Variants in BSPRY observed in about 807,000 individuals in gnomAD.
BSPRY encodes B-box and SPRY domain containing.
In BSPRY, 33 loss-of-function variants were observed where a neutral mutation model predicts 38.0. That is an observed-to-expected ratio of 0.87 (90% CI 0.66 to 1.16). The LOEUF is 1.16. BSPRY is among the 50% of genes most tolerant of loss of function. The pLI, the probability that BSPRY is intolerant of heterozygous loss-of-function variation, is 0.00. For missense variants in BSPRY, 523 were observed against 533.2 expected (o/e 0.98, Z 0.19); for synonymous variants, 224 against 228.5 (o/e 0.98, Z 0.18).
chr9:113,367,210 C>G (rs1049126383), intron 4 of BSPRY, among the ~76,000 whole-genome samples: 1 of 152,168 alleles, frequency 6.6e-6, no homozygotes, highest in Non-Finnish European at 1.5e-5. Flanking sequence ...AATCAGATAA[C>G]CACTACCTCC....
intron 2 of BSPRY, among the ~76,000 whole-genome samples, chr9:113,359,787 C>T (rs139833551): frequency 1.3e-5 from 2 of 151,980 alleles, no homozygotes; most frequent in African/African-American, 4.8e-5. Context: ...ATAATCCCAG[C>T]GCTTTGTGGG....
Position 113,349,577 on chromosome 9 carries a change from G to T in BSPRY, c.-3G>T. ...GTGGAGCGCACGGGGCGGGCGCACGGCCATGTCCGCCGAGGGCGCGGAGCC... is the reference window on the plus strand; with the variant it reads ...GTGGAGCGCACGGGGCGGGCGCACGTCCATGTCCGCCGAGGGCGCGGAGCC... On this transcript the variant is annotated 5_prime_UTR_variant, in exon 1 of 6. Coordinates refer to ENST00000374183, the MANE Select transcript of BSPRY (RefSeq NM_017688.3). 8.6e-7 allele frequency: 1 copy of T among 1,161,742 alleles called. No homozygotes were observed. The highest frequency in any genetic ancestry group is 1.1e-6 in the Non-Finnish European group (1 of 943,848). The allele number at this position is 1,161,742 out of a possible 1,614,324, so 72.0% of individuals were successfully genotyped here.
At chr9:113,360,421 A>C in intron 2 of BSPRY, 86 bp from the exon 3 acceptor site, 4 of 1,268,432 alleles carry the variant, frequency 3.2e-6, no homozygotes, top group Non-Finnish European at 4.4e-6. Context: ...CAATCTCAAC[A>C]CTCCTTTCCA....
At chr9:113,366,217 C>T (rs1834248753) in intron 4 of BSPRY, among the ~76,000 whole-genome samples, 1 of 152,212 alleles carries the variant, frequency 6.6e-6, no homozygotes, top group Non-Finnish European at 1.5e-5. Context: ...CCCCCAACAA[C>T]ATCAGTATTT....
At chr9:113,354,481 AT>A in intron 2 of BSPRY, 143 bp downstream of exon 2, 1 of 659,826 alleles carries the variant, frequency 1.5e-6, no homozygotes. Context: ...CAGAGACTCA[AT>A]TTTACCATCT....
chr9:113,369,743 C>A lies in BSPRY; in HGVS notation c.810C>A (p.Asp270Glu), dbSNP rs192218285. ...GTGCAGATGGCCCGGAGCGCTTCGA[C>A]CACTGGCCCAATGCCCTGGCTGCCA... ...KACADGPERF[D>E]HWPNALAATS... The change falls in exon 6 of 6, where the codon GAC (aspartate) becomes GAA (glutamate). Residue 270 changes from aspartate (D) to glutamate (E), a missense_variant. Coordinates refer to ENST00000374183, the MANE Select transcript of BSPRY (RefSeq NM_017688.3). 9.3e-6 allele frequency: 15 copies of A among 1,614,126 alleles called. No homozygotes were observed. The highest frequency in any genetic ancestry group is 1.2e-5 in the Non-Finnish European group (14 of 1,180,044).
chr9:113,355,848 T>G (rs1426649436), intron 2 of BSPRY, among the ~76,000 whole-genome samples: 1 of 152,082 alleles, frequency 6.6e-6, no homozygotes. Context: ...ACTCCTGACC[T>G]TAGGTGATCT....
In BSPRY at chr9:113,369,489, T is replaced by C. The variant is rs1834303912; in HGVS notation, c.683-127T>C. On this transcript the variant is annotated intron_variant, in intron 5 of 5. Coordinates refer to ENST00000374183, the MANE Select transcript of BSPRY (RefSeq NM_017688.3). ...TTGACCCCCGTTTTGCAGACAAGGC[T>C]CAGAGAGAGTAAATGGCTTATATGA... 3 of 965,816 alleles carry C rather than the reference T, an allele frequency of 3.1e-6. 1 individual carries two copies. The South Asian group carries it at 4.8e-5, about 15-fold the overall frequency. The allele number at this position is 965,816 out of a possible 1,614,324, so 59.8% of individuals were successfully genotyped here.
intron 4 of BSPRY, among the ~76,000 whole-genome samples, chr9:113,363,509 T>C (rs10981769): frequency 0.39 from 59,080 of 151,702 alleles, 13,251 homozygotes; most frequent in African/African-American, 0.62. Context: ...TCCCTGACAG[T>C]GATGGGTTTG....
chr9:113,363,832 GCGC>G (rs1834196456), intron 4 of BSPRY, among the ~76,000 whole-genome samples: 1 of 128,614 alleles, frequency 7.8e-6, no homozygotes, highest in Non-Finnish European at 1.6e-5. Context: ...GAGCTGAGAT[GCGC>G]CACTGCACTC....
At chr9:113,353,979 A>G (rs1309316204) in intron 1 of BSPRY, among the ~76,000 whole-genome samples, 1 of 152,220 alleles carries the variant, frequency 6.6e-6, no homozygotes, top group Non-Finnish European at 1.5e-5. Flanking sequence ...TAGTCCCACT[A>G]GTGTGTTGGT....
At chr9:113,366,386 C>T (rs1339488356) in intron 4 of BSPRY, among the ~76,000 whole-genome samples, 8 of 152,180 alleles carry the variant, frequency 5.3e-5, no homozygotes, top group Admixed American at 4.6e-4. Context: ...TGTGAAGCCC[C>T]ATCTAGCCGG....
intron 4 of BSPRY, 81 bp from the exon 5 acceptor site, chr9:113,368,178 G>A (rs1834281509): frequency 6.5e-7 from 1 of 1,549,484 alleles, no homozygotes; most frequent in Admixed American, 1.7e-5. Context: ...TTTTACTTCT[G>A]TTCTTCTCTT....
rs753903272 is a variant in BSPRY, at chr9:113,369,678, C to G, written c.745C>G (p.Arg249Gly). 5.6e-6 allele frequency: 9 copies of G among 1,614,202 alleles called. No homozygotes were observed. Among genetic ancestry groups the G allele is most frequent in the Non-Finnish European group, 7.6e-6 (9 of 1,180,040 alleles). The change falls in exon 6 of 6, where the codon CGA becomes GGA. Residue 249 changes from arginine to glycine, a missense_variant. Coordinates refer to ENST00000374183, the MANE Select transcript of BSPRY (RefSeq NM_017688.3). Reference protein sequence around the residue: ...VSPFLQLSDDRKTLTFSTKKS... With the variant: ...VSPFLQLSDDGKTLTFSTKKS... ...CCCCTTCCTGCAATTGTCAGATGAT[C>G]GAAAGACCCTGACCTTCAGCACCAA...
intron 1 of BSPRY, among the ~76,000 whole-genome samples, chr9:113,351,299 T>G (rs184323552): frequency 5.1e-4 from 78 of 152,300 alleles, no homozygotes; most frequent in African/African-American, 1.9e-3. Flanking sequence ...TTCCACCAAA[T>G]TAGAGTAGAT....
At chr9:113,351,879 A>C (rs1467654972) in intron 1 of BSPRY, among the ~76,000 whole-genome samples, 1 of 151,882 alleles carries the variant, frequency 6.6e-6, no homozygotes, top group Non-Finnish European at 1.5e-5. Flanking sequence ...GTGCTATTTC[A>C]GCTCACTGCA....
chr9:113,366,898 GCA>G (rs1834262266), intron 4 of BSPRY, among the ~76,000 whole-genome samples: 1 of 152,216 alleles, frequency 6.6e-6, no homozygotes, highest in Admixed American at 6.5e-5. Flanking sequence ...CTCCATTTAT[GCA>G]CAGAGCCATG....
At chr9:113,365,750 A>T (rs1188230559) in intron 4 of BSPRY, among the ~76,000 whole-genome samples, 12 of 147,164 alleles carry the variant, frequency 8.2e-5, no homozygotes, top group East Asian at 2.0e-4. Context: ...AGAGAGAGAG[A>T]GTGTGTGTGT....
Position 113,369,907 on chromosome 9 carries a change from G to C in BSPRY, c.974G>C (p.Trp325Ser), listed in dbSNP as rs759714752. 1.4e-5 allele frequency: 22 copies of C among 1,614,120 alleles called. No individual in the cohort carries two copies. Among genetic ancestry groups the C allele is most frequent in the Admixed American group, 6.7e-5 (4 of 60,014 alleles). The change falls in exon 6 of 6, where the codon TGG becomes TCG. Residue 325 changes from tryptophan (W) to serine (S), a missense_variant. Coordinates refer to ENST00000374183, the MANE Select transcript of BSPRY (RefSeq NM_017688.3). ...DCRLGHNAFSWVFSRYDQEFR... is the reference protein window; with the variant it reads ...DCRLGHNAFSSVFSRYDQEFR... ...CGTCTGGGCCACAATGCCTTCTCCT[G>C]GGTCTTCTCTCGCTATGATCAGGAG...
Sources: allele counts gnomAD v4.1 joint callset (sites outside exome capture counted in the v4.1 genomes callset), GRCh38; gene constraint gnomAD v4.1.1; transcripts MANE v1.5; gene names NCBI Gene and HGNC (gene_info 2026-07-23, HGNC 2026-07-21).